CELSR1: variants seen among roughly 807,000 people sequenced by gnomAD.
CELSR1 encodes adhesion G protein-coupled receptor C1.
CELSR1 carries 110 observed loss-of-function variants against 249.1 expected under a neutral mutation model. The observed-to-expected ratio is 0.44, with a 90% CI of 0.38 to 0.52. The LOEUF (loss-of-function observed/expected upper bound fraction) is 0.52, where lower values mean the gene tolerates loss of function less well. CELSR1 is among the 20% of genes least tolerant of loss of function. The pLI, the probability that CELSR1 is intolerant of heterozygous loss-of-function variation, is 0.00. For synonymous variants in CELSR1, 2,113 were observed against 1,900.0 expected (o/e 1.11, Z -2.92); for missense variants, 4,109 against 4,296.4 (o/e 0.96, Z 1.22).
At position 46,395,145 on chromosome 22, in the gene CELSR1, A is replaced by G. The variant is rs1367408666; in HGVS notation, c.5844-883T>C. On this transcript the variant is annotated intron_variant, in intron 13 of 34. Coordinates refer to ENST00000674500, the MANE Select transcript of CELSR1 (RefSeq NM_001378328.1). This position sits in a 1 kb window ranked among gnomAD's most constrained non-coding sequence, Gnocchi z 5.5. ...TCATAAAGACAACCAGGCCAGAGAT[A>G]GAGTCTGGCGTTTATGGATGTGTGT... Among the ~76,000 whole-genome samples, 1 of 152,166 alleles carries G rather than the reference A, an allele frequency of 6.6e-6. No individual in the cohort carries two copies. Among genetic ancestry groups the G allele is most frequent in the Non-Finnish European group, 1.5e-5 (1 of 68,026 alleles).
chr22:46,510,598 G>A (rs1481405044), intron 1 of CELSR1, among the ~76,000 whole-genome samples: 2 of 152,168 alleles, frequency 1.3e-5, no homozygotes, highest in Non-Finnish European at 2.9e-5. Flanking sequence ...CGGCTCACAC[G>A]CAGCCCCAGA....
rs2079556725 is a variant in CELSR1, at chr22:46,428,183, T to C, written c.4611+5210A>G. Among the ~76,000 whole-genome samples, 1 of 152,154 alleles carries C rather than the reference T, an allele frequency of 6.6e-6. No individual in the cohort carries two copies. Among genetic ancestry groups the C allele is most frequent in the Non-Finnish European group, 1.5e-5 (1 of 68,030 alleles). On this transcript the variant is annotated intron_variant, in intron 5 of 34. Transcript: ENST00000674500. This position sits in a 1 kb window ranked among gnomAD's most constrained non-coding sequence, Gnocchi z 5.7. ...GCAACCGGGCCTCATGCTGTCTTTA[T>C]AAAAGCACTTTCCGCAGCATGCCAA...
At chr22:46,495,246 A>G (rs2337049) in intron 1 of CELSR1, among the ~76,000 whole-genome samples, 137,917 of 152,320 alleles carry the variant, frequency 0.91, 62,552 homozygotes, top group East Asian at 1. Context: ...ACTGCTTCCA[A>G]GCTACACACC....
chr22:46,458,207 G>A (rs1192089631), intron 2 of CELSR1, among the ~76,000 whole-genome samples: 3 of 152,160 alleles, frequency 2.0e-5, no homozygotes, highest in East Asian at 1.9e-4. Context: ...TGTGTGTCCC[G>A]AAGGCCAGAG....
intron 1 of CELSR1, among the ~76,000 whole-genome samples, chr22:46,466,032 T>G (rs187996316): frequency 6.7e-4 from 102 of 152,258 alleles, no homozygotes; most frequent in South Asian, 1.7e-3. Context: ...GGCTCTGGCA[T>G]AAACCCAGAG....
rs1244370611 is a variant in CELSR1 at position 46,407,394 on chromosome 22, C to T, written c.5226+1602G>A. On this transcript the variant is annotated intron_variant, in intron 9 of 34. Transcript: ENST00000674500. The surrounding 1 kb of genome is among the most constrained non-coding windows in gnomAD (Gnocchi z 4.8). Reference sequence around the variant, plus strand: ...TCTGTAATCCCAGCACTTTGGGAGGCGGAGGCGAGTGGATCACCTGAGGTC... The same window carrying T: ...TCTGTAATCCCAGCACTTTGGGAGGTGGAGGCGAGTGGATCACCTGAGGTC... Among the ~76,000 whole-genome samples, 1 of 152,196 alleles carries T rather than the reference C, an allele frequency of 6.6e-6. No individual in the cohort carries two copies. The highest frequency in any genetic ancestry group is 2.4e-5 in the African/African-American group (1 of 41,536).
chr22:46,375,511 C>T (rs1336179743), intron 24 of CELSR1, among the ~76,000 whole-genome samples: 1 of 150,724 alleles, frequency 6.6e-6, no homozygotes, highest in East Asian at 1.9e-4. Flanking sequence ...CTCTGATCTT[C>T]TGCCCGTCGT....
chr22:46,462,876 G>T (rs2147580806), intron 2 of CELSR1: 1 of 465,800 alleles, frequency 2.1e-6, no homozygotes, highest in South Asian at 1.6e-5. Context: ...GAGGTATCAA[G>T]GAAAGAGCAT....
In CELSR1 at chr22:46,369,160, C is replaced by G. The variant is rs1349554215; in HGVS notation, c.7952+19G>C. ...GGCCCAGCCGACATGGCTGGCCGGT[C>G]AGGTTCAGCCCCACTTACACGATCC... On this transcript the variant is annotated intron_variant, in intron 27 of 34. Coordinates refer to ENST00000674500, the MANE Select transcript of CELSR1 (RefSeq NM_001378328.1). 1.2e-6 allele frequency: 2 copies of G among 1,612,692 alleles called. No homozygotes were observed. Among genetic ancestry groups the G allele is most frequent in the Non-Finnish European group, 1.7e-6 (2 of 1,178,798 alleles).
rs940611603 is a variant in CELSR1 at position 46,472,522 on chromosome 22, T to C, written c.3545-8177A>G. 6.6e-6 allele frequency among the ~76,000 whole-genome samples: 1 copy of C among 152,038 alleles called. No individual in the cohort carries two copies. The highest frequency in any genetic ancestry group is 6.5e-5 in the Admixed American group (1 of 15,268). ...CCGGGAGACAGGGGAGTAGGTTTCC[T>C]GGGAAGAATGGAGTTTGCCACACAA... On this transcript the variant is annotated intron_variant, in intron 1 of 34. Coordinates refer to ENST00000674500, the MANE Select transcript of CELSR1 (RefSeq NM_001378328.1). The surrounding 1 kb of genome is among the most constrained non-coding windows in gnomAD (Gnocchi z 7.0).
intron 5 of CELSR1, among the ~76,000 whole-genome samples, chr22:46,415,420 G>A (rs1213932230): frequency 6.6e-6 from 1 of 152,154 alleles, no homozygotes; most frequent in Non-Finnish European, 1.5e-5. Flanking sequence ...GAAGTGCTGG[G>A]ATTACAGGCA....
chr22:46,535,301 G>C lies in CELSR1; in HGVS notation c.1870C>G (p.Pro624Ala), dbSNP rs536180185. ...GGSAGPKNPAPTPDFPFQIHN... is the reference protein window; with the variant it reads ...GGSAGPKNPAATPDFPFQIHN... ...ATCTGGAAGGGGAAGTCAGGGGTGG[G>C]GGCAGGATTCTTAGGCCCAGCGCTG... The change falls in exon 1 of 35, where the codon CCC becomes GCC. Residue 624 changes from proline (P) to alanine (A), a missense_variant. Transcript: ENST00000674500. The C allele has an allele frequency of 2.0e-5, 33 of 1,611,522 alleles. No individual in the cohort carries two copies. In the East Asian group the frequency reaches 6.7e-4, roughly 33 times the overall value.
At chr22:46,486,747 G>A (rs2080316745) in intron 1 of CELSR1, among the ~76,000 whole-genome samples, 1 of 151,850 alleles carries the variant, frequency 6.6e-6, no homozygotes, top group Non-Finnish European at 1.5e-5. Context: ...GGAGGCTGCA[G>A]CAGGATAATC....
In CELSR1 at chr22:46,397,692, T is replaced by C; in HGVS notation, c.5683A>G (p.Ser1895Gly). 1.9e-6 allele frequency: 3 copies of C among 1,549,076 alleles called. No individual in the cohort carries two copies. The highest frequency in any genetic ancestry group is 2.4e-5 in the South Asian group (2 of 82,546). Residue 1895 changes from serine (S) to glycine (G), a missense_variant, in exon 12 of 35, where the codon AGC (serine) becomes GGC (glycine). Transcript: ENST00000674500. ...SRCHDAWEDY[S>G]CVCDKGYLGI... ...GTCCCACCTTTGTCACAGACGCAGC[T>C]GTAGTCCTCCCAGGCGTCGTGGCAG...
At chr22:46,531,782 A>C (rs1170818912) in intron 1 of CELSR1, among the ~76,000 whole-genome samples, 2 of 152,170 alleles carry the variant, frequency 1.3e-5, no homozygotes, top group Admixed American at 6.5e-5. Flanking sequence ...CAAATAAAAG[A>C]GTAAAGAAAA....
Position 46,363,051 on chromosome 22 carries a change from A to G in CELSR1, c.*172T>C, listed in dbSNP as rs1355751237. 1 of 1,374,234 alleles carries G rather than the reference A, an allele frequency of 7.3e-7. No homozygotes were observed. Among genetic ancestry groups the G allele is most frequent in the Non-Finnish European group, 1.0e-6 (1 of 981,458 alleles). The allele number at this position is 1,374,234 out of a possible 1,614,324, so 85.1% of individuals were successfully genotyped here. The stretch of plus-strand genomic sequence containing the variant: ...GAACCAAGACCTTTGTGTCTGGATG[A>G]TCAGTCGGGGGGCTGCCACCATGGG... On this transcript the variant is annotated 3_prime_UTR_variant, in exon 35 of 35. Transcript: ENST00000674500. The surrounding 1 kb of genome is among the most constrained non-coding windows in gnomAD (Gnocchi z 4.3).
Position 46,381,098 on chromosome 22 carries a change from C to T in CELSR1, c.7089-143G>A. ...ACTCCGAGAGCTCGGACCCACGGACCCCACAGTATCTTCATCCCTAGAGCA... is the reference window on the plus strand; with the variant it reads ...ACTCCGAGAGCTCGGACCCACGGACTCCACAGTATCTTCATCCCTAGAGCA... On this transcript the variant is annotated intron_variant, in intron 21 of 34. Transcript: ENST00000674500. This position sits in a 1 kb window ranked among gnomAD's most constrained non-coding sequence, Gnocchi z 6.0. 4 of 806,736 alleles carry T rather than the reference C, an allele frequency of 5.0e-6. No homozygotes were observed. Among genetic ancestry groups the T allele is most frequent in the Admixed American group, 2.6e-5 (1 of 37,940 alleles). The allele number at this position is 806,736 out of a possible 1,614,324, so 50.0% of individuals were successfully genotyped here.
chr22:46,469,974 A>C (rs1602181611), intron 1 of CELSR1, among the ~76,000 whole-genome samples: 3 of 6,422 alleles, frequency 4.7e-4, no homozygotes, highest in Non-Finnish European at 3.6e-4. Flanking sequence ...AAAGGGAGGG[A>C]GGGAGGAGGA....
In CELSR1 at chr22:46,427,901, C is replaced by T. The variant is rs576565131; in HGVS notation, c.4611+5492G>A. ...ACCCAAGTGTCTGGGTGGAAGTCCTCGAGTTTTTAGAACATGTGCAGAAAC... is the reference window on the plus strand; with the variant it reads ...ACCCAAGTGTCTGGGTGGAAGTCCTTGAGTTTTTAGAACATGTGCAGAAAC... On this transcript the variant is annotated intron_variant, in intron 5 of 34. Coordinates refer to ENST00000674500, the MANE Select transcript of CELSR1 (RefSeq NM_001378328.1). This position sits in a 1 kb window ranked among gnomAD's most constrained non-coding sequence, Gnocchi z 4.2. Among the ~76,000 whole-genome samples the T allele has an allele frequency of 1.6e-4, 25 of 152,222 alleles. No homozygotes were observed. The highest frequency in any genetic ancestry group is 5.5e-4 in the African/African-American group (23 of 41,534).
Sources: allele counts gnomAD v4.1 joint callset (sites outside exome capture counted in the v4.1 genomes callset), GRCh38; gene constraint gnomAD v4.1.1; non-coding constraint Gnocchi (gnomAD v3.1); transcripts MANE v1.5; gene names NCBI Gene and HGNC (gene_info 2026-07-23, HGNC 2026-07-21).